Variants in IMMP2L observed in about 807,000 individuals in gnomAD.
IMMP2L encodes the protein inner mitochondrial membrane peptidase subunit 2.
IMMP2L carries 18 observed loss-of-function variants against 19.3 expected under a neutral mutation model. That is an observed-to-expected ratio of 0.93 (90% CI 0.64 to 1.38). The LOEUF (loss-of-function observed/expected upper bound fraction) is 1.38. Ranked by LOEUF, IMMP2L falls within the 40% of genes most tolerant of loss-of-function variation. The pLI is 0.00. For missense variants in IMMP2L, 233 were observed against 218.2 expected (o/e 1.07, Z -0.43); for synonymous variants, 76 against 73.0 (o/e 1.04, Z -0.21).
At chr7:111,548,412 G>A (rs1849137185) in intron 1 of IMMP2L, among the ~76,000 whole-genome samples, 1 of 152,024 alleles carries the variant, frequency 6.6e-6, no homozygotes, top group African/African-American at 2.4e-5. Context: ...CTACTTTAGG[G>A]GTTAGTGGTT....
intron 3 of IMMP2L, among the ~76,000 whole-genome samples, chr7:111,067,554 G>A (rs982100723): frequency 6.6e-6 from 1 of 152,146 alleles, no homozygotes; most frequent in Non-Finnish European, 1.5e-5. Flanking sequence ...CTTTGGAAAA[G>A]CACATTTGTA....
At chr7:111,058,503 C>T (rs937458510) in intron 3 of IMMP2L, among the ~76,000 whole-genome samples, 8 of 152,114 alleles carry the variant, frequency 5.3e-5, no homozygotes, top group African/African-American at 1.9e-4. Flanking sequence ...AGGATAGAAT[C>T]ACAAATAACA....
chr7:110,698,933 T>C (rs182984267), intron 5 of IMMP2L, among the ~76,000 whole-genome samples: 20 of 152,312 alleles, frequency 1.3e-4, no homozygotes, highest in African/African-American at 4.6e-4. Flanking sequence ...TTTAAGTAAA[T>C]GCTAACGACA....
chr7:111,464,494 A>G (rs541619391), intron 3 of IMMP2L, among the ~76,000 whole-genome samples: 2 of 152,294 alleles, frequency 1.3e-5, no homozygotes, highest in East Asian at 3.9e-4. Flanking sequence ...AAGTAAATAA[A>G]TAAGTAAAGT....
intron 5 of IMMP2L, among the ~76,000 whole-genome samples, chr7:110,825,031 T>C (rs1308821270): frequency 6.6e-6 from 1 of 152,084 alleles, no homozygotes; most frequent in Non-Finnish European, 1.5e-5. Context: ...TCACAAGCAC[T>C]CTTATACACC....
chr7:111,420,721 G>GCCAATAACATGAAATCAT (rs1158881724), intron 3 of IMMP2L, among the ~76,000 whole-genome samples: 1 of 151,508 alleles, frequency 6.6e-6, no homozygotes, highest in Non-Finnish European at 1.5e-5. Flanking sequence ...CCACATCCCT[G>GCCAATAACATGAAATCAT]CCAATAACAT....
intron 3 of IMMP2L, among the ~76,000 whole-genome samples, chr7:111,207,688 G>A (rs576413373): frequency 4.0e-5 from 6 of 151,296 alleles, no homozygotes; most frequent in South Asian, 2.1e-4. Flanking sequence ...GGTGCGCGCC[G>A]CCATGTCCAG....
Position 111,268,112 on chromosome 7 carries a change from C to T in IMMP2L, c.239+219126G>A, listed in dbSNP as rs1477484856. ...AAAGTCTCTGTCCCCAATTTTCTCA[C>T]TCATCAACACAGCACCACCATGATG... On this transcript the variant is annotated intron_variant, in intron 3 of 5. Coordinates refer to ENST00000405709, the MANE Select transcript of IMMP2L (RefSeq NM_032549.4). 2.6e-5 allele frequency among the ~76,000 whole-genome samples: 4 copies of T among 152,128 alleles called. 1 individual carries two copies. The highest frequency in any genetic ancestry group is 2.9e-5 in the Non-Finnish European group (2 of 68,028).
At chr7:111,537,543 T>G (rs1206233331) in intron 1 of IMMP2L, among the ~76,000 whole-genome samples, 3 of 143,008 alleles carry the variant, frequency 2.1e-5, no homozygotes, top group African/African-American at 7.9e-5. Flanking sequence ...TTTTTTTTTT[T>G]TTTTTTTTTT....
chr7:111,337,336 T>G (rs1826530732), intron 3 of IMMP2L, among the ~76,000 whole-genome samples: 1 of 152,154 alleles, frequency 6.6e-6, no homozygotes. Context: ...GAATAGCCAA[T>G]AATAGAAATT....
At chr7:110,818,457 G>A (rs1802735829) in intron 5 of IMMP2L, among the ~76,000 whole-genome samples, 1 of 151,982 alleles carries the variant, frequency 6.6e-6, no homozygotes, top group African/African-American at 2.4e-5. Flanking sequence ...TAAAAAGTCA[G>A]GAAACAACAG....
At chr7:110,917,563 A>T (rs374714430) in intron 4 of IMMP2L, among the ~76,000 whole-genome samples, 1 of 152,190 alleles carries the variant, frequency 6.6e-6, no homozygotes, top group South Asian at 2.1e-4. Context: ...TGCCAAGTAG[A>T]TCTGACTCCA....
intron 3 of IMMP2L, among the ~76,000 whole-genome samples, chr7:111,253,949 C>CA (rs1816424182): frequency 6.6e-6 from 1 of 152,054 alleles, no homozygotes; most frequent in Admixed American, 6.6e-5. Flanking sequence ...TCAATAACGA[C>CA]AACTATATAA....
At position 111,159,347 on chromosome 7, in the gene IMMP2L, C is replaced by T. The variant is rs1203894084; in HGVS notation, c.240-195782G>A. 5.3e-5 allele frequency among the ~76,000 whole-genome samples: 8 copies of T among 152,206 alleles called. 1 individual carries two copies. Among genetic ancestry groups the T allele is most frequent in the African/African-American group, 1.9e-4 (8 of 41,524 alleles). On this transcript the variant is annotated intron_variant, in intron 3 of 5. Transcript: ENST00000405709. ...GTCAGGCTGATTTCGAACTCCTGAC[C>T]TCATGATCCACCCACCTCGGCCTCC...
At chr7:111,156,300 A>ACTTACATTG (rs1244013705) in intron 3 of IMMP2L, among the ~76,000 whole-genome samples, 1 of 152,122 alleles carries the variant, frequency 6.6e-6, no homozygotes, top group Admixed American at 6.6e-5. Context: ...GGTTATACCA[A>ACTTACATTG]CTTACATTGC....
chr7:111,214,765 T>C (rs1393794887), intron 3 of IMMP2L, among the ~76,000 whole-genome samples: 1 of 149,510 alleles, frequency 6.7e-6, no homozygotes, highest in East Asian at 2.0e-4. Flanking sequence ...GTGTAGATTA[T>C]CCAGAGCTCC....
chr7:111,132,542 C>G (rs986317024), intron 3 of IMMP2L, among the ~76,000 whole-genome samples: 4 of 152,022 alleles, frequency 2.6e-5, no homozygotes, highest in African/African-American at 9.7e-5. Context: ...CACATCAACA[C>G]CAACAGCTTA....
At chr7:110,694,084 C>T (rs1432091722) in intron 5 of IMMP2L, among the ~76,000 whole-genome samples, 1 of 151,920 alleles carries the variant, frequency 6.6e-6, no homozygotes, top group Non-Finnish European at 1.5e-5. Context: ...ATGATAAAGT[C>T]GTAAAAAATA....
intron 3 of IMMP2L, among the ~76,000 whole-genome samples, chr7:111,461,989 T>G (rs1199716730): frequency 6.6e-6 from 1 of 152,014 alleles, no homozygotes; most frequent in East Asian, 1.9e-4. Flanking sequence ...CACACACACG[T>G]GCACAAACAC....
Sources: gnomAD v4.1 joint callset for allele counts (sites outside exome capture counted in the v4.1 genomes callset) on GRCh38, gnomAD v4.1.1 for gene constraint, MANE v1.5 for transcripts, NCBI Gene and HGNC (gene_info 2026-07-23, HGNC 2026-07-21) for gene names.